NINL: variants seen among roughly 807,000 people sequenced by gnomAD.
NINL encodes the protein ninein-like protein.
Under a neutral mutation model 160.3 loss-of-function variants are expected in NINL, and 153 were observed. That is an observed-to-expected ratio of 0.95 (90% confidence interval 0.84 to 1.09). The LOEUF is 1.09. Ranked by LOEUF, NINL falls within the 50% of genes least tolerant of loss-of-function variation. The probability of loss-of-function intolerance (pLI) is 0.00; values close to 1 mark genes in which losing one functional copy is unlikely to be tolerated. For synonymous variants in NINL, 800 were observed against 734.8 expected, an observed-to-expected ratio of 1.09 and a Z score of -1.43; for missense variants, 1,829 against 1,764.0, an observed-to-expected ratio of 1.04 and a Z score of -0.66.
At chr20:25,502,865 T>C (rs868738844) in intron 7 of NINL, among the ~76,000 whole-genome samples, 10 of 152,342 alleles carry the variant, frequency 6.6e-5, no homozygotes, top group Middle Eastern at 3.4e-3. Flanking sequence ...GCACCATGCT[T>C]CCTGCACAGC....
chr20:25,488,971 G>A (rs938620069), intron 13 of NINL: 10 of 466,118 alleles, frequency 2.1e-5, no homozygotes, highest in African/African-American at 7.7e-5. Flanking sequence ...AGACGGACAC[G>A]CATGGCAGGT....
At chr20:25,482,189 G>C in intron 13 of NINL, 89 bp from the exon 14 acceptor site, 1 of 1,466,512 alleles carries the variant, frequency 6.8e-7, no homozygotes, top group Non-Finnish European at 9.2e-7. Flanking sequence ...GGGGTCCCTT[G>C]CAGGTGAGGT....
At chr20:25,541,415 C>T (rs2064659997) in intron 1 of NINL, among the ~76,000 whole-genome samples, 1 of 152,226 alleles carries the variant, frequency 6.6e-6, no homozygotes, top group Non-Finnish European at 1.5e-5. Flanking sequence ...ACATCTCTAA[C>T]CATCTACAAG....
intron 1 of NINL, among the ~76,000 whole-genome samples, chr20:25,577,616 C>T (rs915100467): frequency 6.6e-6 from 1 of 152,210 alleles, no homozygotes; most frequent in Non-Finnish European, 1.5e-5. Context: ...GAATATTGCA[C>T]TATATTGACT....
chr20:25,582,274 A>C (rs2065183291), intron 1 of NINL, among the ~76,000 whole-genome samples: 1 of 152,132 alleles, frequency 6.6e-6, no homozygotes, highest in African/African-American at 2.4e-5. Flanking sequence ...AAACAAACAA[A>C]CAAAAAACAA....
intron 11 of NINL, among the ~76,000 whole-genome samples, chr20:25,490,384 C>A (rs898599553): frequency 6.6e-6 from 1 of 152,054 alleles, no homozygotes; most frequent in African/African-American, 2.4e-5. Flanking sequence ...CATGGTGAAA[C>A]CCCATCTCTA....
At chr20:25,557,706 A>G (rs1469250525) in intron 1 of NINL, among the ~76,000 whole-genome samples, 1 of 152,232 alleles carries the variant, frequency 6.6e-6, no homozygotes, top group Non-Finnish European at 1.5e-5. Context: ...CAATTCCACA[A>G]GCATATTTGG....
At position 25,476,736 on chromosome 20, in the gene NINL, C is replaced by G. The variant is rs756661440; in HGVS notation, c.2555G>C (p.Gly852Ala). 8.1e-6 allele frequency: 13 copies of G among 1,606,256 alleles called. No individual in the cohort carries two copies. In the East Asian group the frequency reaches 2.9e-4, roughly 36 times the overall value. ...GTRGLLPLRP[G>A]CGERPLAWLA... ...CCAGGCCAGTGGCCGCTCCCCACAG[C>G]CCGGACGCAGTGGTAGGAGGCCACG... The change falls in exon 17 of 24, where the codon GGC becomes GCC. Residue 852 changes from glycine to alanine, a missense_variant. Coordinates refer to ENST00000278886, the MANE Select transcript of NINL (RefSeq NM_025176.6).
intron 1 of NINL, among the ~76,000 whole-genome samples, chr20:25,537,154 G>A (rs1026457138): frequency 6.6e-6 from 1 of 152,138 alleles, no homozygotes; most frequent in Non-Finnish European, 1.5e-5. Context: ...GTTGATCACG[G>A]CTCACTGCAT....
chr20:25,532,792 C>A (rs750555210), intron 1 of NINL, among the ~76,000 whole-genome samples: 35 of 152,196 alleles, frequency 2.3e-4, no homozygotes, highest in Admixed American at 9.8e-4. Flanking sequence ...CAATATCCAG[C>A]CACATTTTCA....
chr20:25,476,917 T>A lies in NINL; in HGVS notation c.2374A>T (p.Ser792Cys), dbSNP rs765597079. ...ERALKLQPCA[S>C]EKRAQMCVSL... ...ACGCACATCTGGGCGCGCTTCTCGC[T>A]CGCACAGGGCTGCAGCTTCAGTGCC... Residue 792 changes from serine (S) to cysteine (C), a missense_variant, in exon 17 of 24, where the codon AGC (serine) becomes TGC (cysteine). By Grantham distance (112) the Ser-to-Cys change is moderately radical. Coordinates refer to ENST00000278886, the MANE Select transcript of NINL (RefSeq NM_025176.6). 1 of 1,612,640 alleles carries A rather than the reference T, an allele frequency of 6.2e-7. No homozygotes were observed. Among genetic ancestry groups the A allele is most frequent in the South Asian group, 1.1e-5 (1 of 91,048 alleles).
chr20:25,513,089 G>C (rs1227842135), intron 3 of NINL, 83 bp from the exon 4 acceptor site: 3 of 1,407,096 alleles, frequency 2.1e-6, no homozygotes, highest in Admixed American at 2.2e-5. Context: ...CTCTGAGAAG[G>C]TGCACACTCA....
At chr20:25,494,949 T>G (rs928954182) in intron 10 of NINL, among the ~76,000 whole-genome samples, 1 of 152,154 alleles carries the variant, frequency 6.6e-6, no homozygotes, top group African/African-American at 2.4e-5. Context: ...GGTGTCAGCT[T>G]CACACACGCA....
intron 19 of NINL, among the ~76,000 whole-genome samples, chr20:25,464,269 T>C (rs769890536): frequency 2.0e-5 from 3 of 152,102 alleles, no homozygotes; most frequent in Non-Finnish European, 4.4e-5. Flanking sequence ...ATACAAAAAT[T>C]AGCCGGGCTT....
At chr20:25,529,344 T>C (rs896560520) in intron 1 of NINL, among the ~76,000 whole-genome samples, 3 of 152,210 alleles carry the variant, frequency 2.0e-5, no homozygotes, top group African/African-American at 7.2e-5. Context: ...ACATCTGACC[T>C]TTTAATTAAA....
chr20:25,577,459 G>A (rs73337381), intron 1 of NINL, among the ~76,000 whole-genome samples: 1,933 of 152,334 alleles, frequency 0.013, 46 homozygotes, highest in African/African-American at 0.045. Context: ...AGGACAGGCA[G>A]AGGCCTTCCA....
At chr20:25,457,102 G>C (rs1465152060) in intron 22 of NINL, among the ~76,000 whole-genome samples, 6 of 152,010 alleles carry the variant, frequency 3.9e-5, no homozygotes, top group Non-Finnish European at 1.5e-5. Flanking sequence ...GAGGCGGGTG[G>C]ATCACGAGGT....
At chr20:25,521,920 T>A (rs1031343905) in intron 2 of NINL, among the ~76,000 whole-genome samples, 1 of 152,162 alleles carries the variant, frequency 6.6e-6, no homozygotes, top group Non-Finnish European at 1.5e-5. Flanking sequence ...GTACTTAATT[T>A]ACTACACTTT....
chr20:25,561,715 C>A (rs1229712009), intron 1 of NINL, among the ~76,000 whole-genome samples: 1 of 151,472 alleles, frequency 6.6e-6, no homozygotes, highest in African/African-American at 2.4e-5. Context: ...AGCGCCTCGG[C>A]CCGGCCGCGA....
Sources: allele counts gnomAD v4.1 joint callset (sites outside exome capture counted in the v4.1 genomes callset), GRCh38; gene constraint gnomAD v4.1.1; transcripts MANE v1.5; gene names NCBI Gene and HGNC (gene_info 2026-07-23, HGNC 2026-07-21).